CAMK2D: variants seen among roughly 807,000 people sequenced by gnomAD.
CAMK2D encodes the protein calcium/calmodulin-dependent protein kinase type II subunit delta.
A neutral mutation model predicts 84.0 loss-of-function variants in CAMK2D; 37 were observed. The ratio of observed to expected loss-of-function variants is 0.44; its 90% CI spans 0.34 to 0.58. The LOEUF (loss-of-function observed/expected upper bound fraction) is 0.58. CAMK2D is among the 20% of genes least tolerant of loss of function. The pLI is 0.02. For synonymous variants in CAMK2D, 202 were observed against 212.5 expected (o/e 0.95, Z 0.43); for missense variants, 448 against 652.5 (o/e 0.69, Z 3.41).
chr4:113,455,404 G>A (rs1444171324), intron 20 of CAMK2D, among the ~76,000 whole-genome samples: 7 of 152,050 alleles, frequency 4.6e-5, no homozygotes, highest in Non-Finnish European at 7.4e-5. Context: ...AATTAAGTCC[G>A]GATAATTGAG....
chr4:113,654,843 A>G (rs991413340), intron 3 of CAMK2D, among the ~76,000 whole-genome samples: 17 of 151,818 alleles, frequency 1.1e-4, no homozygotes, highest in African/African-American at 3.6e-4. Context: ...TTATCTGATT[A>G]TGTGTAATAC....
chr4:113,709,502 T>C (rs896133176), intron 2 of CAMK2D, among the ~76,000 whole-genome samples: 1 of 151,510 alleles, frequency 6.6e-6, no homozygotes, highest in Non-Finnish European at 1.5e-5. Context: ...TATACGTACT[T>C]AGAAGGTGAA....
chr4:113,751,970 T>C (rs1448558120), intron 2 of CAMK2D, among the ~76,000 whole-genome samples: 1 of 152,074 alleles, frequency 6.6e-6, no homozygotes, highest in Non-Finnish European at 1.5e-5. Flanking sequence ...AAATACAATT[T>C]ACCTAGAAAA....
At chr4:113,657,448 G>C (rs2154307647) in intron 3 of CAMK2D, among the ~76,000 whole-genome samples, 1 of 152,146 alleles carries the variant, frequency 6.6e-6, no homozygotes, top group East Asian at 1.9e-4. Flanking sequence ...ATTTTGTTGG[G>C]TGAGACCATT....
chr4:113,513,911 T>C lies in CAMK2D; in HGVS notation c.822A>G (p.Gln274=). Residue 274 remains glutamine, a splice_region_variant and synonymous_variant, in exon 11 of 21, where the codon CAA becomes CAG. Coordinates refer to ENST00000511664, the MANE Select transcript of CAMK2D (RefSeq NM_001321571.2). ...SEALKHPWIC[Q]RSTVASMMHR... ...GCATCATGGAAGCAACAGTAGAACG[T>C]TGCTAGAAGAAGAGGAGAAAAAGTA... is the stretch of plus-strand genomic sequence containing the variant. The C allele has an allele frequency of 6.5e-7, 1 of 1,533,952 alleles. No homozygotes were observed. The highest frequency in any genetic ancestry group is 9.0e-7 in the Non-Finnish European group (1 of 1,115,342).
intron 4 of CAMK2D, among the ~76,000 whole-genome samples, chr4:113,608,512 T>G (rs975731428): frequency 2.0e-5 from 3 of 152,202 alleles, no homozygotes; most frequent in Non-Finnish European, 4.4e-5. Context: ...ATACTTTCCA[T>G]GGACTTTGTT....
Position 113,515,109 on chromosome 4 carries a change from C to T in CAMK2D, c.779G>A (p.Arg260His). ...CTTCAGTGCCTCTGAGGCTGTGATG[C>T]GTTTGGCAGGGTTGATAGTAAGCAT... is the stretch of plus-strand genomic sequence containing the variant. ...NKMLTINPAK[R>H]ITASEALKHP... The change falls in exon 10 of 21, where the codon CGC (arginine) becomes CAC (histidine). Residue 260 changes from arginine to histidine, a missense_variant. Physicochemically the swap from Arg to His is conservative, Grantham distance 29 (BLOSUM62 0). Coordinates refer to ENST00000511664, the MANE Select transcript of CAMK2D (RefSeq NM_001321571.2). 1 of 1,613,092 alleles carries T rather than the reference C, an allele frequency of 6.2e-7. No homozygotes were observed. Among genetic ancestry groups the T allele is most frequent in the Non-Finnish European group, 8.5e-7 (1 of 1,179,288 alleles).
intron 8 of CAMK2D, among the ~76,000 whole-genome samples, chr4:113,528,205 A>G (rs1260816012): frequency 6.6e-6 from 1 of 152,142 alleles, no homozygotes; most frequent in South Asian, 2.1e-4. Context: ...TTATCTAGAA[A>G]CTTCATTTAT....
intron 3 of CAMK2D, among the ~76,000 whole-genome samples, chr4:113,624,720 T>C (rs954342621): frequency 2.6e-5 from 4 of 152,186 alleles, no homozygotes; most frequent in African/African-American, 9.7e-5. Flanking sequence ...AATAAATGGA[T>C]TGGTGTATCA....
At chr4:113,651,753 A>T (rs1382938427) in intron 3 of CAMK2D, among the ~76,000 whole-genome samples, 1 of 152,138 alleles carries the variant, frequency 6.6e-6, no homozygotes, top group South Asian at 2.1e-4. Context: ...CAATTATTTT[A>T]TTCATTTTCA....
At chr4:113,743,846 C>CTT (rs559506222) in intron 2 of CAMK2D, among the ~76,000 whole-genome samples, 1,749 of 147,402 alleles carry the variant, frequency 0.012, 30 homozygotes, top group African/African-American at 0.041. Flanking sequence ...ATCTTCCCTA[C>CTT]TTTTTTTTTT....
intron 2 of CAMK2D, among the ~76,000 whole-genome samples, chr4:113,722,579 T>C (rs1017922008): frequency 6.6e-6 from 1 of 152,124 alleles, no homozygotes; most frequent in African/African-American, 2.4e-5. Context: ...TTATGCAGGA[T>C]TATTAAGGTG....
At chr4:113,494,995 C>T (rs1035543508) in intron 16 of CAMK2D, among the ~76,000 whole-genome samples, 17 of 152,206 alleles carry the variant, frequency 1.1e-4, no homozygotes, top group African/African-American at 2.4e-4. Flanking sequence ...TGCCCTGCTT[C>T]GGCTCACGCA....
chr4:113,521,288 ATTATG>A (rs2098355622), intron 8 of CAMK2D, among the ~76,000 whole-genome samples: 1 of 152,144 alleles, frequency 6.6e-6, no homozygotes, highest in African/African-American at 2.4e-5. Context: ...ATTTCAATCT[ATTATG>A]TTATTTTTCT....
intron 2 of CAMK2D, among the ~76,000 whole-genome samples, chr4:113,735,289 GAAAAAAAAAAAAAAAAAAAAAAA>G (rs769117708): frequency 4.5e-5 from 2 of 44,764 alleles, no homozygotes; most frequent in South Asian, 1.6e-3. Flanking sequence ...ATCTCTACAG[GAAAAAAAAAAAAAAAAAAAAAAA>G]AAAAAAAAAA....
At chr4:113,617,084 T>C (rs2099024235) in intron 3 of CAMK2D, among the ~76,000 whole-genome samples, 1 of 152,236 alleles carries the variant, frequency 6.6e-6, no homozygotes, top group African/African-American at 2.4e-5. Flanking sequence ...AACTTTCCTT[T>C]CTTCTTGCCT....
intron 4 of CAMK2D, among the ~76,000 whole-genome samples, chr4:113,576,345 G>A (rs905228559): frequency 3.9e-5 from 6 of 151,992 alleles, no homozygotes; most frequent in Admixed American, 6.6e-5. Flanking sequence ...TTTTTAAACA[G>A]TCAGAATTAC....
chr4:113,659,936 A>T (rs566042752), intron 3 of CAMK2D, among the ~76,000 whole-genome samples: 2 of 152,314 alleles, frequency 1.3e-5, no homozygotes, highest in East Asian at 3.9e-4. Context: ...ATATAGGTGA[A>T]TTTGCCAGTG....
At chr4:113,458,608 T>A (rs1279132117) in intron 18 of CAMK2D, among the ~76,000 whole-genome samples, 1 of 152,232 alleles carries the variant, frequency 6.6e-6, no homozygotes, top group Non-Finnish European at 1.5e-5. Context: ...AAACATGAGA[T>A]GCTATCAGAA....
Sources: allele counts gnomAD v4.1 joint callset (sites outside exome capture counted in the v4.1 genomes callset), GRCh38; gene constraint gnomAD v4.1.1; transcripts MANE v1.5; gene names NCBI Gene and HGNC (gene_info 2026-07-23, HGNC 2026-07-21).